RNF150: variants seen among roughly 807,000 people sequenced by gnomAD.
The protein encoded by RNF150 is ring finger protein 150.
Under a neutral mutation model 39.3 loss-of-function variants are expected in RNF150, and 24 were observed. The observed-to-expected ratio is 0.61, with a 90% CI of 0.44 to 0.86. RNF150 has a LOEUF of 0.86. RNF150 is among the 40% of genes least tolerant of loss of function. The pLI, the probability that RNF150 is intolerant of heterozygous loss-of-function variation, is 0.00. For missense variants in RNF150, 502 were observed against 587.8 expected, an observed-to-expected ratio of 0.85 and a Z score of 1.51; for synonymous variants, 255 against 227.3, an observed-to-expected ratio of 1.12 and a Z score of -1.10.
chr4:140,888,311 G>A (rs916870074), intron 6 of RNF150, among the ~76,000 whole-genome samples: 40 of 152,174 alleles, frequency 2.6e-4, no homozygotes, highest in African/African-American at 9.7e-4. Context: ...CTGGGTTGAT[G>A]TCCCAACAAT....
intron 1 of RNF150, among the ~76,000 whole-genome samples, chr4:141,036,680 T>C (rs1367846393): frequency 6.6e-6 from 1 of 152,164 alleles, no homozygotes; most frequent in East Asian, 1.9e-4. Flanking sequence ...GTTTAGTAGA[T>C]TGGTACGGTG....
intron 5 of RNF150, among the ~76,000 whole-genome samples, chr4:140,911,697 C>T (rs1217270921): frequency 1.3e-4 from 20 of 152,124 alleles, no homozygotes; most frequent in Non-Finnish European, 1.8e-4. Flanking sequence ...CACTTCCTTA[C>T]ATATAGTATT....
Position 141,132,798 on chromosome 4 carries a change from G to A in RNF150, c.11C>T (p.Ser4Phe), listed in dbSNP as rs368156046. Residue 4 changes from serine to phenylalanine, a missense_variant, in exon 1 of 7, where the codon TCT becomes TTT. Physicochemically the swap from Ser to Phe is radical, Grantham distance 155. Coordinates refer to ENST00000515673, the MANE Select transcript of RNF150 (RefSeq NM_020724.2). The surrounding 1 kb of genome is among the most constrained non-coding windows in gnomAD (Gnocchi z 4.9). ...CAGACTGCAGCACGCTTGGATGAGA[G>A]ACATTGCCATCTTTATCCGCCGGGG... is the stretch of plus-strand genomic sequence containing the variant. MAM[S>F]LIQACCSLAL... is the part of the protein sequence containing the mutation. 2 of 1,609,622 alleles carry A rather than the reference G, an allele frequency of 1.2e-6. No individual in the cohort carries two copies. Among genetic ancestry groups the A allele is most frequent in the Middle Eastern group, 1.6e-4 (1 of 6,068 alleles).
At chr4:140,894,124 T>G (rs944957525) in intron 6 of RNF150, among the ~76,000 whole-genome samples, 1 of 152,206 alleles carries the variant, frequency 6.6e-6, no homozygotes, top group African/African-American at 2.4e-5. Flanking sequence ...GATCTGTTCT[T>G]AAGAAACAGC....
At chr4:140,892,436 G>A (rs765922026) in intron 6 of RNF150, among the ~76,000 whole-genome samples, 15 of 152,240 alleles carry the variant, frequency 9.9e-5, no homozygotes, top group Non-Finnish European at 1.8e-4. Flanking sequence ...TACTTCACCA[G>A]CCTGTGCTGG....
chr4:141,153,949 C>T (rs998120514), intron 1 of RNF150, among the ~76,000 whole-genome samples: 2 of 152,138 alleles, frequency 1.3e-5, no homozygotes, highest in African/African-American at 4.8e-5. Flanking sequence ...CCCAGATATG[C>T]CACTTATTAG....
At chr4:140,921,609 C>T (rs4386677) in intron 5 of RNF150, among the ~76,000 whole-genome samples, 83,829 of 151,976 alleles carry the variant, frequency 0.55, 23,630 homozygotes, top group East Asian at 0.89. Context: ...CCCTCCCTAA[C>T]TCATTTTATG....
At chr4:140,880,153 T>C (rs1213469362) in intron 6 of RNF150, among the ~76,000 whole-genome samples, 2 of 152,186 alleles carry the variant, frequency 1.3e-5, no homozygotes, top group Non-Finnish European at 2.9e-5. Flanking sequence ...TTGACCTTTC[T>C]TATGTTGAGG....
intron 6 of RNF150, among the ~76,000 whole-genome samples, chr4:140,889,641 A>G (rs1729691599): frequency 6.6e-6 from 1 of 152,196 alleles, no homozygotes; most frequent in Non-Finnish European, 1.5e-5. Context: ...ATAGTAAACC[A>G]AACTGCGGTG....
intron 1 of RNF150, among the ~76,000 whole-genome samples, chr4:141,010,759 C>T (rs2110745638): frequency 6.6e-6 from 1 of 152,190 alleles, no homozygotes; most frequent in African/African-American, 2.4e-5. Context: ...TGCACGGAGA[C>T]AGTATGGCTC....
intron 1 of RNF150, among the ~76,000 whole-genome samples, chr4:141,074,022 CAGA>C (rs142643650): frequency 0.013 from 1,952 of 151,998 alleles, 54 homozygotes; most frequent in African/African-American, 0.045. Flanking sequence ...TCTGGGCCAG[CAGA>C]AGAATTTGGT....
chr4:140,969,066 A>G (rs985158703), intron 1 of RNF150, among the ~76,000 whole-genome samples: 6 of 152,060 alleles, frequency 3.9e-5, no homozygotes, highest in African/African-American at 7.2e-5. Context: ...CAGCTGCTTA[A>G]CGCTGGCTGT....
At chr4:141,175,590 C>T (rs888158704) in intron 1 of RNF150, among the ~76,000 whole-genome samples, 1 of 152,196 alleles carries the variant, frequency 6.6e-6, no homozygotes. Context: ...CATATTAACA[C>T]TCTCCTCCCT....
At chr4:141,183,628 T>A (rs955500163) in intron 1 of RNF150, among the ~76,000 whole-genome samples, 3 of 152,056 alleles carry the variant, frequency 2.0e-5, no homozygotes, top group African/African-American at 4.8e-5. Context: ...TGGTACTGTT[T>A]AAGCCCCACA....
At chr4:140,959,797 G>A (rs1732942293) in intron 2 of RNF150, among the ~76,000 whole-genome samples, 1 of 152,180 alleles carries the variant, frequency 6.6e-6, no homozygotes, top group South Asian at 2.1e-4. Context: ...CCAGATAGTG[G>A]TAAGAATTGG....
chr4:141,141,292 A>G (rs6835953), intron 1 of RNF150, among the ~76,000 whole-genome samples: 28,450 of 152,192 alleles, frequency 0.19, 2,929 homozygotes, highest in Non-Finnish European at 0.24. Context: ...AGACCTCTCA[A>G]ACTTACATTC....
At chr4:141,196,752 T>G (rs990657642) in intron 1 of RNF150, among the ~76,000 whole-genome samples, 2 of 152,188 alleles carry the variant, frequency 1.3e-5, no homozygotes, top group Non-Finnish European at 2.9e-5. Flanking sequence ...GATATGCATT[T>G]TAGTATCCCC....
chr4:140,933,624 A>G (rs995373377), intron 4 of RNF150, among the ~76,000 whole-genome samples: 1 of 152,272 alleles, frequency 6.6e-6, no homozygotes. Flanking sequence ...GGATGAACAG[A>G]AAATGAAGTT....
intron 1 of RNF150, among the ~76,000 whole-genome samples, chr4:141,151,634 A>G (rs962528525): frequency 3.9e-5 from 6 of 152,224 alleles, no homozygotes; most frequent in African/African-American, 1.4e-4. Context: ...AAATGTAAAT[A>G]TTATCTAATT....
Sources: allele counts gnomAD v4.1 joint callset (sites outside exome capture counted in the v4.1 genomes callset), GRCh38; gene constraint gnomAD v4.1.1; non-coding constraint Gnocchi (gnomAD v3.1); transcripts MANE v1.5; gene names NCBI Gene and HGNC (gene_info 2026-07-23, HGNC 2026-07-21).